The following CFAP54 variants were observed in gnomAD, a reference collection of about 807,000 sequenced individuals.
CFAP54 encodes the protein cilia- and flagella-associated protein 54.
CFAP54 carries 290 observed loss-of-function variants against 370.4 expected under a neutral mutation model. That is an observed-to-expected ratio of 0.78 (90% CI 0.71 to 0.86). The LOEUF (loss-of-function observed/expected upper bound fraction) is 0.86, where lower values mean the gene tolerates loss of function less well. Ranked by LOEUF, CFAP54 falls within the 40% of genes least tolerant of loss-of-function variation. The pLI is 0.00. For synonymous variants in CFAP54, 1,206 were observed against 1,236.5 expected (o/e 0.98, Z 0.52); for missense variants, 3,399 against 3,528.7 (o/e 0.96, Z 0.93).
chr12:96,853,754 C>G (rs1959621916), intron 66 of CFAP54, among the ~76,000 whole-genome samples: 1 of 152,084 alleles, frequency 6.6e-6, no homozygotes, highest in South Asian at 2.1e-4. Context: ...AGTTTGTGTT[C>G]TCCTGAGAAC....
intron 26 of CFAP54, among the ~76,000 whole-genome samples, chr12:96,618,001 G>GAAA (rs1956441428): frequency 1.7e-5 from 1 of 58,896 alleles, no homozygotes; most frequent in African/African-American, 6.5e-5. Context: ...AAAAAAAAAG[G>GAAA]AATATATTTA....
chr12:96,800,046 C>T (rs572637452), intron 63 of CFAP54, among the ~76,000 whole-genome samples: 4 of 152,184 alleles, frequency 2.6e-5, no homozygotes, highest in Non-Finnish European at 5.9e-5. Flanking sequence ...GGAAGGAATA[C>T]ATAGTCGGGA....
intron 47 of CFAP54, among the ~76,000 whole-genome samples, chr12:96,707,475 C>T (rs1957558982): frequency 6.6e-6 from 1 of 151,796 alleles, no homozygotes; most frequent in Admixed American, 6.6e-5. Flanking sequence ...GGTTTAGGAG[C>T]AAATGAAAGG....
chr12:96,817,081 C>T (rs1565989007), intron 64 of CFAP54, among the ~76,000 whole-genome samples: 1 of 152,196 alleles, frequency 6.6e-6, no homozygotes, highest in Admixed American at 6.5e-5. Context: ...TGCAGGTCAG[C>T]GGATAGTCAG....
chr12:96,817,947 A>G (rs899266815), intron 65 of CFAP54, 34 bp downstream of exon 65: 11 of 1,377,660 alleles, frequency 8.0e-6, no homozygotes, highest in Non-Finnish European at 9.6e-6. Flanking sequence ...TGACATTGCT[A>G]TAGATTATCT....
At chr12:96,715,260 T>C (rs1236384260) in intron 48 of CFAP54, among the ~76,000 whole-genome samples, 1 of 93,446 alleles carries the variant, frequency 1.1e-5, no homozygotes. Flanking sequence ...CTGGTATGAA[T>C]TTAAAGTGAG....
At position 96,576,755 on chromosome 12, in the gene CFAP54, G is replaced by T. The variant is rs1442053963; in HGVS notation, c.2790G>T (p.Glu930Asp). 1 of 1,532,310 alleles carries T rather than the reference G, an allele frequency of 6.5e-7. No homozygotes were observed. Among genetic ancestry groups the T allele is most frequent in the East Asian group, 2.4e-5 (1 of 40,864 alleles). 94.9% of individuals were successfully genotyped at this position (1,532,310 alleles called of 1,614,324 possible). A position where few individuals can be genotyped will look rare whatever the true frequency, so the allele number is the denominator to read the frequency against. Reference sequence around the variant, plus strand: ...TCAAACCTGCTCCATTTACTTCAGAGGTTAAGGTATGGTGTCCAGTAAAAT... The same window carrying T: ...TCAAACCTGCTCCATTTACTTCAGATGTTAAGGTATGGTGTCCAGTAAAAT... ...VTLKPAPFTS[E>D]VKVSWYCILG... is the part of the protein sequence containing the mutation. Residue 930 changes from glutamate (E) to aspartate (D), a missense_variant, in exon 20 of 68, where the codon GAG becomes GAT. Physicochemically the swap from Glu to Asp is conservative, Grantham distance 45. Around this residue, in one of 3 missense-constraint regions of CFAP54, gnomAD observed 2,796 missense variants for 2,869.7 expected, o/e 0.97. Transcript: ENST00000524981.
intron 17 of CFAP54, among the ~76,000 whole-genome samples, chr12:96,559,301 A>G (rs893538109): frequency 5.3e-5 from 8 of 152,126 alleles, no homozygotes; most frequent in African/African-American, 1.9e-4. Context: ...GCTTGAGGGG[A>G]TGGATACCCC....
intron 42 of CFAP54, among the ~76,000 whole-genome samples, chr12:96,688,120 C>A (rs1957346990): frequency 6.6e-6 from 1 of 152,042 alleles, no homozygotes; most frequent in African/African-American, 2.4e-5. Flanking sequence ...TGTAGTGAAC[C>A]TGACTGGTTT....
chr12:96,750,846 C>T (rs1731734618), intron 55 of CFAP54, among the ~76,000 whole-genome samples: 2 of 152,178 alleles, frequency 1.3e-5, no homozygotes, highest in Non-Finnish European at 2.9e-5. Flanking sequence ...AAACCCAAAG[C>T]AGCTTTTCTG....
rs1408582857 is a variant in CFAP54, at chr12:96,554,193, G to A, written c.2166G>A (p.Val722=). 1.3e-6 allele frequency: 2 copies of A among 1,499,750 alleles called. No individual in the cohort carries two copies. The highest frequency in any genetic ancestry group is 1.8e-6 in the Non-Finnish European group (2 of 1,131,054). The allele number at this position is 1,499,750 out of a possible 1,614,324, so 92.9% of individuals were successfully genotyped here. Residue 722 remains valine, a synonymous_variant, in exon 16 of 68, where the codon GTG becomes GTA. Coordinates refer to ENST00000524981, the MANE Select transcript of CFAP54 (RefSeq NM_001306084.2). The stretch of plus-strand genomic sequence containing the variant: ...TAAAATTATTTTAGAAAAATCCTGT[G>A]GAACAGTTACTTTTTGCTTATAAAC... ...EILPILQKNP[V]EQLLFAYKLL...
At position 96,698,068 on chromosome 12, in the gene CFAP54, C is replaced by T. The variant is rs763122622; in HGVS notation, c.6352-1903C>T. On this transcript the variant is annotated intron_variant, in intron 45 of 67. Coordinates refer to ENST00000524981, the MANE Select transcript of CFAP54 (RefSeq NM_001306084.2). ...CAGAGAATTCCTTCCTGACCACAGT[C>T]TTGAAAATAGCATTTGTGAGTACCC... Among the ~76,000 whole-genome samples the T allele has an allele frequency of 4.3e-4, 65 of 152,154 alleles. 1 individual carries two copies. The highest frequency in any genetic ancestry group is 8.1e-4 in the Non-Finnish European group (55 of 68,028).
chr12:96,819,089 C>T (rs1288389200), intron 65 of CFAP54, among the ~76,000 whole-genome samples: 1 of 152,260 alleles, frequency 6.6e-6, no homozygotes, highest in Non-Finnish European at 1.5e-5. Flanking sequence ...TTCCGCTCTG[C>T]AGAGGCAACC....
intron 60 of CFAP54, among the ~76,000 whole-genome samples, chr12:96,777,583 A>G (rs1472201371): frequency 6.6e-6 from 1 of 152,118 alleles, no homozygotes; most frequent in Non-Finnish European, 1.5e-5. Context: ...TCCTGATCTC[A>G]GGAGATCCAC....
chr12:96,745,660 C>T (rs572241365), intron 55 of CFAP54, among the ~76,000 whole-genome samples: 20 of 152,018 alleles, frequency 1.3e-4, no homozygotes, highest in East Asian at 1.2e-3. Flanking sequence ...TTTTGCTGTG[C>T]GGAAGCTCTT....
At chr12:96,695,401 G>A (rs2136570195) in intron 45 of CFAP54, among the ~76,000 whole-genome samples, 1 of 152,284 alleles carries the variant, frequency 6.6e-6, no homozygotes, top group Non-Finnish European at 1.5e-5. Flanking sequence ...TCTAAGTAAA[G>A]AAATTAAGAA....
At chr12:96,826,868 TTATGATATATTATATAATATTA>T (rs1565993827) in intron 65 of CFAP54, among the ~76,000 whole-genome samples, 1 of 116,908 alleles carries the variant, frequency 8.6e-6, no homozygotes, top group East Asian at 2.8e-4. Context: ...TTATATAATA[TTATGATATATTATATAATATTA>T]TATGATATAT....
At chr12:96,505,488 C>A (rs1381981485) in intron 3 of CFAP54, among the ~76,000 whole-genome samples, 1 of 150,426 alleles carries the variant, frequency 6.6e-6, no homozygotes, top group African/African-American at 2.5e-5. Flanking sequence ...TGGGTCACCC[C>A]TATAATAGCC....
At chr12:96,612,500 C>G (rs1159903761) in intron 26 of CFAP54, among the ~76,000 whole-genome samples, 5 of 152,140 alleles carry the variant, frequency 3.3e-5, no homozygotes, top group Non-Finnish European at 7.3e-5. Flanking sequence ...AAATAACTAG[C>G]TATGATTATA....
Sources: gnomAD v4.1 joint callset for allele counts (sites outside exome capture counted in the v4.1 genomes callset) on GRCh38, gnomAD v4.1.1 for gene constraint, gnomAD v4.1.1 regional missense constraint, MANE v1.5 for transcripts, NCBI Gene and HGNC (gene_info 2026-07-23, HGNC 2026-07-21) for gene names.